Variants in CADM2 observed in about 807,000 individuals in gnomAD.
CADM2 encodes the protein immunoglobulin superfamily member 4D.
Under a neutral mutation model 49.8 loss-of-function variants are expected in CADM2, and 12 were observed. The observed-to-expected ratio is 0.24, with a 90% confidence interval of 0.15 to 0.39. The LOEUF (loss-of-function observed/expected upper bound fraction) is 0.39, where lower values mean the gene tolerates loss of function less well. Among genes scored for constraint, CADM2 ranks in the 10% least tolerant of loss-of-function variants. The pLI is 1.00. For synonymous variants in CADM2, 214 were observed against 175.4 expected (o/e 1.22, Z -1.74); for missense variants, 378 against 492.3 (o/e 0.77, Z 2.20).
chr3:85,235,415 A>G lies in CADM2; in HGVS notation c.61+275747A>G, dbSNP rs185078007. Among the ~76,000 whole-genome samples, 274 of 152,288 alleles carry G rather than the reference A, an allele frequency of 1.8e-3. 1 individual carries two copies. The highest frequency in any genetic ancestry group is 6.3e-3 in the African/African-American group (263 of 41,566). Reference sequence around the variant, plus strand: ...ATTATATCGGAATGGAATATATATTAGTATAAACATTCACTTCACATCCTC... The same window carrying G: ...ATTATATCGGAATGGAATATATATTGGTATAAACATTCACTTCACATCCTC... On this transcript the variant is annotated intron_variant, in intron 1 of 9. Transcript: ENST00000383699.
At chr3:85,250,560 A>G (rs940359033) in intron 1 of CADM2, among the ~76,000 whole-genome samples, 1 of 151,664 alleles carries the variant, frequency 6.6e-6, no homozygotes, top group African/African-American at 2.4e-5. Context: ...AGGTATTTGC[A>G]GATAACTCAA....
chr3:84,977,707 A>T (rs2031912246), intron 1 of CADM2, among the ~76,000 whole-genome samples: 2 of 152,076 alleles, frequency 1.3e-5, no homozygotes, highest in African/African-American at 4.8e-5. Context: ...ATATGTTCAG[A>T]TATAAAACTG....
chr3:85,054,391 T>C (rs954155986), intron 1 of CADM2, among the ~76,000 whole-genome samples: 3 of 151,780 alleles, frequency 2.0e-5, no homozygotes, highest in African/African-American at 7.2e-5. Context: ...GAGAAATAAT[T>C]CTGGAAATAT....
chr3:85,916,946 G>A (rs537594062), intron 6 of CADM2, among the ~76,000 whole-genome samples: 4 of 152,142 alleles, frequency 2.6e-5, no homozygotes, highest in African/African-American at 9.6e-5. Context: ...TTTTTCATGT[G>A]TTTTTTGGCT....
chr3:85,507,159 G>A (rs2040390666), intron 1 of CADM2, among the ~76,000 whole-genome samples: 1 of 149,546 alleles, frequency 6.7e-6, no homozygotes. Context: ...TTTAAGAAAG[G>A]TTTTTGCCCT....
At chr3:85,777,189 C>G (rs2070398491) in intron 2 of CADM2, among the ~76,000 whole-genome samples, 1 of 151,552 alleles carries the variant, frequency 6.6e-6, no homozygotes, top group Non-Finnish European at 1.5e-5. Context: ...ATGACATTCT[C>G]ATGGTATTCT....
intron 1 of CADM2, among the ~76,000 whole-genome samples, chr3:85,346,195 A>G (rs2030623941): frequency 1.3e-5 from 2 of 152,192 alleles, no homozygotes; most frequent in South Asian, 4.1e-4. Flanking sequence ...TCAACACTTA[A>G]ATAAGGCATT....
At chr3:85,229,608 T>C (rs1576168915) in intron 1 of CADM2, among the ~76,000 whole-genome samples, 1 of 152,170 alleles carries the variant, frequency 6.6e-6, no homozygotes, top group Non-Finnish European at 1.5e-5. Flanking sequence ...CAAATGTTTT[T>C]AAAGGCAAAA....
intron 1 of CADM2, among the ~76,000 whole-genome samples, chr3:85,049,893 T>C (rs2035815605): frequency 6.6e-6 from 1 of 152,140 alleles, no homozygotes; most frequent in Admixed American, 6.6e-5. Flanking sequence ...TTTTTTCCCT[T>C]ATACTCAGGC....
At chr3:85,552,366 G>GTGTTTTTTTTTTTTTTTTTTTTTTTTT (rs2061828186) in intron 1 of CADM2, among the ~76,000 whole-genome samples, 1 of 87,588 alleles carries the variant, frequency 1.1e-5, no homozygotes, top group African/African-American at 4.6e-5. Context: ...ACTTTGAAAA[G>GTGTTTTTTTTTTTTTTTTTTTTTTTTT]TTTTTTTTTT....
chr3:85,227,139 T>C (rs2042180329), intron 1 of CADM2, among the ~76,000 whole-genome samples: 1 of 152,196 alleles, frequency 6.6e-6, no homozygotes, highest in African/African-American at 2.4e-5. Context: ...GACTATTAGG[T>C]CCACTTGGTC....
intron 1 of CADM2, among the ~76,000 whole-genome samples, chr3:85,554,484 A>G (rs2107139340): frequency 6.6e-6 from 1 of 152,284 alleles, no homozygotes; most frequent in African/African-American, 2.4e-5. Context: ...AAAGAGACCA[A>G]GAATCAATTA....
intron 3 of CADM2, among the ~76,000 whole-genome samples, chr3:85,815,522 A>G (rs1251507165): frequency 2.0e-5 from 3 of 152,204 alleles, no homozygotes; most frequent in Non-Finnish European, 4.4e-5. Flanking sequence ...AGATGCAAAA[A>G]AGGTCTTTGA....
At chr3:85,516,702 A>G (rs2060911857) in intron 1 of CADM2, among the ~76,000 whole-genome samples, 1 of 152,072 alleles carries the variant, frequency 6.6e-6, no homozygotes, top group South Asian at 2.1e-4. Context: ...TTATAGGTCT[A>G]TTATTTATAA....
At chr3:85,047,341 A>G (rs6549011) in intron 1 of CADM2, among the ~76,000 whole-genome samples, 90,421 of 151,878 alleles carry the variant, frequency 0.6, 27,777 homozygotes, top group Middle Eastern at 0.65. Context: ...TCCTGACGGT[A>G]GGTTCTACAA....
chr3:85,566,521 T>C (rs372346233), intron 1 of CADM2, among the ~76,000 whole-genome samples: 1 of 152,084 alleles, frequency 6.6e-6, no homozygotes, highest in South Asian at 2.1e-4. Flanking sequence ...CAGAAAAACA[T>C]ACACACATAA....
chr3:85,940,740 G>A (rs1254351632), intron 7 of CADM2, among the ~76,000 whole-genome samples: 2 of 152,086 alleles, frequency 1.3e-5, no homozygotes, highest in African/African-American at 4.8e-5. Context: ...ATTGTAGAAA[G>A]AGAATGCAGA....
chr3:85,449,559 G>GTT (rs33948520), intron 1 of CADM2, among the ~76,000 whole-genome samples: 24,262 of 148,458 alleles, frequency 0.16, 2,387 homozygotes, highest in Non-Finnish European at 0.22. Context: ...GAAATATAAG[G>GTT]TTTTTTTTTT....
At chr3:85,929,506 G>T (rs1463605097) in intron 6 of CADM2, among the ~76,000 whole-genome samples, 1 of 151,592 alleles carries the variant, frequency 6.6e-6, no homozygotes, top group African/African-American at 2.4e-5. Flanking sequence ...TTCATATCTG[G>T]GTCAGTAAAA....
Sources: gnomAD v4.1 joint callset for allele counts (sites outside exome capture counted in the v4.1 genomes callset) on GRCh38, gnomAD v4.1.1 for gene constraint, MANE v1.5 for transcripts, NCBI Gene and HGNC (gene_info 2026-07-23, HGNC 2026-07-21) for gene names.